The following ANKRD11 variants were observed in gnomAD, a reference collection of about 807,000 sequenced individuals.
The protein encoded by ANKRD11 is ankyrin repeat domain 11.
A neutral mutation model predicts 195.7 loss-of-function variants in ANKRD11; 17 were observed. The observed-to-expected ratio is 0.09, with a 90% confidence interval of 0.06 to 0.13. The LOEUF (loss-of-function observed/expected upper bound fraction) is 0.13. ANKRD11 is among the 10% of genes least tolerant of loss of function. ANKRD11 has a pLI of 1.00. For synonymous variants in ANKRD11, 1,953 were observed against 1,528.1 expected, an observed-to-expected ratio of 1.28 and a Z score of -6.49; for missense variants, 3,735 against 3,566.1, an observed-to-expected ratio of 1.05 and a Z score of -1.21.
At chr16:89,325,997 G>T (rs1227607164) in intron 2 of ANKRD11, among the ~76,000 whole-genome samples, 1 of 152,204 alleles carries the variant, frequency 6.6e-6, no homozygotes, top group African/African-American at 2.4e-5. Flanking sequence ...ACCCACTGCA[G>T]AGTGCAACAG....
Position 89,280,235 on chromosome 16 carries a change from G to C in ANKRD11, c.6307C>G (p.Leu2103Val), listed in dbSNP as rs749215903. ...EALGPLENSF[L>V]DGSRGLSHLG... is the part of the protein sequence containing the mutation. The stretch of plus-strand genomic sequence containing the variant: ...TGAGACAGGCCGCGGCTGCCGTCCA[G>C]GAAGCTATTTTCCAGGGGCCCCAGA... Residue 2103 changes from leucine (L) to valine (V), a missense_variant, in exon 9 of 13, where the codon CTG (leucine) becomes GTG (valine). By Grantham distance (32) the Leu-to-Val change is conservative (BLOSUM62 1). Transcript: ENST00000301030. 8.1e-6 allele frequency: 13 copies of C among 1,608,346 alleles called. No individual in the cohort carries two copies. In the Admixed American group the frequency reaches 2.2e-4, roughly 27 times the overall value.
In ANKRD11 at chr16:89,279,102, G is replaced by C; in HGVS notation, c.7440C>G (p.Gly2480=). 1 of 1,614,050 alleles carries C rather than the reference G, an allele frequency of 6.2e-7. No individual in the cohort carries two copies. The highest frequency in any genetic ancestry group is 8.5e-7 in the Non-Finnish European group (1 of 1,179,980). The change falls in exon 9 of 13, where the codon GGC becomes GGG. Residue 2480 remains glycine (G), a synonymous_variant. Coordinates refer to ENST00000301030, the MANE Select transcript of ANKRD11 (RefSeq NM_013275.6). The surrounding 1 kb of genome is among the most constrained non-coding windows in gnomAD (Gnocchi z 5.6). ...VTYTGSYLLD[G]KPLSKLHIPV... is the part of the protein sequence containing the mutation. Reference sequence around the variant, plus strand: ...GGATGTGGAGCTTGCTGAGCGGCTTGCCGTCCAGGAGGTAGGAGCCCGTGT... The same window carrying C: ...GGATGTGGAGCTTGCTGAGCGGCTTCCCGTCCAGGAGGTAGGAGCCCGTGT...
At chr16:89,290,587 T>A (rs913044271) in intron 6 of ANKRD11, 38 bp downstream of exon 6, 1 of 1,603,234 alleles carries the variant, frequency 6.2e-7, no homozygotes, top group Non-Finnish European at 8.5e-7. Context: ...AGGGCTCCAG[T>A]GGGGCTCTCT....
intron 4 of ANKRD11, chr16:89,298,356 C>G (rs1209057936): frequency 6.6e-6 from 1 of 152,364 alleles, no homozygotes; most frequent in Non-Finnish European, 1.5e-5. Context: ...CTGCAGGGCA[C>G]AGGCCTGCCT....
intron 4 of ANKRD11, chr16:89,300,927 C>T (rs771377383): frequency 2.9e-6 from 2 of 698,836 alleles, no homozygotes; most frequent in African/African-American, 1.7e-5. Flanking sequence ...AGGGCTCCCT[C>T]GTGGCTGCCC....
At chr16:89,387,009 T>C (rs2040942803) in intron 2 of ANKRD11, among the ~76,000 whole-genome samples, 1 of 151,782 alleles carries the variant, frequency 6.6e-6, no homozygotes, top group Non-Finnish European at 1.5e-5. Context: ...CTGGGTGCTC[T>C]GGAGGCCGCC....
At chr16:89,376,718 C>T (rs1306039042) in intron 2 of ANKRD11, among the ~76,000 whole-genome samples, 6 of 152,182 alleles carry the variant, frequency 3.9e-5, no homozygotes, top group East Asian at 3.8e-4. Context: ...GGATTACAGG[C>T]GTGCGCCACC....
At chr16:89,462,055 CCTCTCCCT>C (rs1239235349) in intron 1 of ANKRD11, among the ~76,000 whole-genome samples, 5 of 41,330 alleles carry the variant, frequency 1.2e-4, no homozygotes, top group East Asian at 3.1e-3. Flanking sequence ...TCCCCCTCTC[CCTCTCCCT>C]CTCTCCCTCT....
intron 3 of ANKRD11, among the ~76,000 whole-genome samples, chr16:89,314,156 T>C (rs940425804): frequency 1.3e-5 from 2 of 151,682 alleles, no homozygotes; most frequent in African/African-American, 2.4e-5. Context: ...CCTGGGGCAG[T>C]GGGGCAGGGT....
At chr16:89,338,552 C>A (rs1477706048) in intron 2 of ANKRD11, among the ~76,000 whole-genome samples, 1 of 151,344 alleles carries the variant, frequency 6.6e-6, no homozygotes, top group East Asian at 1.9e-4. Flanking sequence ...AACATGATGA[C>A]TGTCTCTACT....
chr16:89,381,896 C>T (rs530697883), intron 2 of ANKRD11, among the ~76,000 whole-genome samples: 136 of 152,376 alleles, frequency 8.9e-4, no homozygotes, highest in Non-Finnish European at 1.1e-3. Flanking sequence ...GTGGTGACCA[C>T]AGTCCAGCCG....
In ANKRD11 at chr16:89,281,273, A is replaced by G. The variant is rs1271743811; in HGVS notation, c.5269T>C (p.Ser1757Pro). ...GAGAACCTGTCGAAAAAGGAGGGGG[A>G]GCAGGCGCTGGTGGGAGCGGTGGGC... ...PVPTAPTSAC[S>P]PSFFDRFSVA... Residue 1757 changes from serine to proline, a missense_variant, in exon 9 of 13, where the codon TCC becomes CCC. Ser to Pro is a moderately conservative substitution (Grantham distance 74). Transcript: ENST00000301030. This position sits in a 1 kb window ranked among gnomAD's most constrained non-coding sequence, Gnocchi z 5.5. The G allele has an allele frequency of 6.2e-7, 1 of 1,614,044 alleles. No individual in the cohort carries two copies. Among genetic ancestry groups the G allele is most frequent in the Non-Finnish European group, 8.5e-7 (1 of 1,180,002 alleles).
intron 1 of ANKRD11, among the ~76,000 whole-genome samples, chr16:89,462,802 C>G (rs1450161798): frequency 3.3e-5 from 5 of 151,734 alleles, no homozygotes; most frequent in African/African-American, 1.2e-4. Flanking sequence ...GCAACCACCC[C>G]GTCTGAGAAG....
At chr16:89,485,342 A>AC (rs1567870210) in intron 1 of ANKRD11, among the ~76,000 whole-genome samples, 1 of 148,630 alleles carries the variant, frequency 6.7e-6, no homozygotes, top group Non-Finnish European at 1.5e-5. Context: ...AAAAAAAAAA[A>AC]CACTAACTGG....
chr16:89,418,414 C>T (rs1480455629), intron 1 of ANKRD11, 46 bp from the exon 2 acceptor site: 4 of 421,006 alleles, frequency 9.5e-6, no homozygotes, highest in Non-Finnish European at 2.0e-5. Context: ...ATAATTTCAG[C>T]CTCAGTTCTT....
intron 2 of ANKRD11, among the ~76,000 whole-genome samples, chr16:89,366,129 C>CAAAAAAAAAAA (rs71387689): frequency 1.7e-5 from 1 of 60,458 alleles, no homozygotes; most frequent in African/African-American, 6.2e-5. Flanking sequence ...GACTCCATCT[C>CAAAAAAAAAAA]AAAAAAAAAA....
intron 2 of ANKRD11, among the ~76,000 whole-genome samples, chr16:89,350,658 A>T (rs1040988663): frequency 6.6e-6 from 1 of 152,220 alleles, no homozygotes; most frequent in Non-Finnish European, 1.5e-5. Context: ...ATGCTGCTGC[A>T]AAGAGGAAAG....
intron 3 of ANKRD11, among the ~76,000 whole-genome samples, chr16:89,311,722 G>C (rs561324844): frequency 2.0e-4 from 30 of 152,278 alleles, no homozygotes; most frequent in Admixed American, 1.7e-3. Flanking sequence ...AAATAGAATG[G>C]ACCTCTATCT....
chr16:89,455,872 C>T (rs1056929170), intron 1 of ANKRD11, among the ~76,000 whole-genome samples: 5 of 152,156 alleles, frequency 3.3e-5, no homozygotes, highest in South Asian at 2.1e-4. Flanking sequence ...CAATTCCACT[C>T]CTTGGTATAT....
Sources: allele counts gnomAD v4.1 joint callset (sites outside exome capture counted in the v4.1 genomes callset), GRCh38; gene constraint gnomAD v4.1.1; non-coding constraint Gnocchi (gnomAD v3.1); transcripts MANE v1.5; gene names NCBI Gene and HGNC (gene_info 2026-07-23, HGNC 2026-07-21).